Variants in CFAP299 observed in about 807,000 individuals in gnomAD.
The protein encoded by CFAP299 is cilia and flagella associated protein 299.
A neutral mutation model predicts 27.0 loss-of-function variants in CFAP299; 21 were observed. The ratio of observed to expected loss-of-function variants is 0.78; its 90% CI spans 0.55 to 1.12. The LOEUF (loss-of-function observed/expected upper bound fraction) is 1.12, where lower values mean the gene tolerates loss of function less well. Among genes scored for constraint, CFAP299 ranks in the 50% most tolerant of loss-of-function variants. CFAP299 has a pLI of 0.00. For missense variants in CFAP299, 310 were observed against 276.6 expected, an observed-to-expected ratio of 1.12 and a Z score of -0.86; for synonymous variants, 104 against 98.1, an observed-to-expected ratio of 1.06 and a Z score of -0.36.
intron 3 of CFAP299, among the ~76,000 whole-genome samples, chr4:80,612,288 C>T (rs1207577348): frequency 6.6e-6 from 1 of 151,870 alleles, no homozygotes; most frequent in Non-Finnish European, 1.5e-5. Flanking sequence ...AAAAACAGAC[C>T]CTAAAACTCA....
At chr4:80,436,314 T>C (rs1419775975) in intron 2 of CFAP299, among the ~76,000 whole-genome samples, 1 of 151,494 alleles carries the variant, frequency 6.6e-6, no homozygotes, top group Non-Finnish European at 1.5e-5. Flanking sequence ...TTTTTTTTTT[T>C]TTGAGACGGA....
At chr4:80,714,519 T>C (rs978106480) in intron 3 of CFAP299, among the ~76,000 whole-genome samples, 2 of 152,130 alleles carry the variant, frequency 1.3e-5, no homozygotes, top group Non-Finnish European at 2.9e-5. Flanking sequence ...CCATGAACTT[T>C]GGTTAATGTG....
At chr4:80,415,329 T>C (rs1726943290) in intron 2 of CFAP299, among the ~76,000 whole-genome samples, 1 of 152,174 alleles carries the variant, frequency 6.6e-6, no homozygotes, top group East Asian at 1.9e-4. Flanking sequence ...AAGTCTATAT[T>C]GTAAAGGAGG....
intron 3 of CFAP299, among the ~76,000 whole-genome samples, chr4:80,857,532 G>C (rs1180906672): frequency 6.6e-6 from 1 of 152,168 alleles, no homozygotes; most frequent in Non-Finnish European, 1.5e-5. Context: ...GTATGATATT[G>C]GCTGTTGGTT....
At chr4:80,826,127 T>C (rs935964371) in intron 3 of CFAP299, among the ~76,000 whole-genome samples, 1 of 151,906 alleles carries the variant, frequency 6.6e-6, no homozygotes, top group African/African-American at 2.4e-5. Flanking sequence ...TTGCATATCA[T>C]TGAAGTTCAG....
At chr4:80,826,586 A>G (rs1265797842) in intron 3 of CFAP299, among the ~76,000 whole-genome samples, 1 of 151,828 alleles carries the variant, frequency 6.6e-6, no homozygotes, top group Non-Finnish European at 1.5e-5. Flanking sequence ...GACAGGATTG[A>G]AGGCAGATAT....
intron 3 of CFAP299, among the ~76,000 whole-genome samples, chr4:80,698,947 A>G (rs568659364): frequency 6.6e-6 from 1 of 152,284 alleles, no homozygotes; most frequent in South Asian, 2.1e-4. Flanking sequence ...TCAAGATGAG[A>G]TTTGGGTGTG....
chr4:80,748,901 G>A (rs1476588878), intron 3 of CFAP299, among the ~76,000 whole-genome samples: 1 of 152,098 alleles, frequency 6.6e-6, no homozygotes, highest in Non-Finnish European at 1.5e-5. Flanking sequence ...TTGGCAAAAA[G>A]TTTGGAGTTC....
chr4:80,362,149 T>C (rs1258369008), intron 1 of CFAP299, among the ~76,000 whole-genome samples: 1 of 151,642 alleles, frequency 6.6e-6, no homozygotes, highest in Admixed American at 6.6e-5. Context: ...AATTTTTTTG[T>C]GGTGATCTGG....
intron 2 of CFAP299, among the ~76,000 whole-genome samples, chr4:80,370,462 A>G (rs924292671): frequency 6.6e-6 from 1 of 152,190 alleles, no homozygotes; most frequent in Non-Finnish European, 1.5e-5. Context: ...CACAGTCCAA[A>G]GTCATCTGAA....
At chr4:80,900,181 C>G (rs1734818382) in intron 4 of CFAP299, among the ~76,000 whole-genome samples, 1 of 135,340 alleles carries the variant, frequency 7.4e-6, no homozygotes. Context: ...TAGAAGGGAA[C>G]AGTAGTCTAT....
At chr4:80,412,761 C>T (rs923070915) in intron 2 of CFAP299, among the ~76,000 whole-genome samples, 3 of 152,060 alleles carry the variant, frequency 2.0e-5, no homozygotes, top group African/African-American at 7.2e-5. Flanking sequence ...GATGCCTTGA[C>T]ACACACACAC....
chr4:80,342,629 C>A (rs762831128), intron 1 of CFAP299, among the ~76,000 whole-genome samples: 4 of 152,098 alleles, frequency 2.6e-5, no homozygotes, highest in Admixed American at 6.5e-5. Context: ...TGAGGAAATT[C>A]ATCACCACCA....
intron 3 of CFAP299, among the ~76,000 whole-genome samples, chr4:80,666,959 T>C (rs1188725991): frequency 6.6e-6 from 1 of 152,222 alleles, no homozygotes; most frequent in East Asian, 1.9e-4. Context: ...CTACATAGCA[T>C]CCAAACTTGA....
In CFAP299 at chr4:80,346,860, G is replaced by A. The variant is rs191350028; in HGVS notation, c.111+10981G>A. 1.9e-3 allele frequency among the ~76,000 whole-genome samples: 291 copies of A among 152,248 alleles called. 3 individuals carry two copies. Among genetic ancestry groups the A allele is most frequent in the African/African-American group, 6.9e-3 (287 of 41,536 alleles). On this transcript the variant is annotated intron_variant, in intron 1 of 5. Coordinates refer to ENST00000358105, the MANE Select transcript of CFAP299 (RefSeq NM_152770.3). ...TGACATTGAATCTATAAATTACCTTGGGCAGTATGGCCATTTTCACAATAT... is the reference window on the plus strand; with the variant it reads ...TGACATTGAATCTATAAATTACCTTAGGCAGTATGGCCATTTTCACAATAT...
At chr4:80,885,867 C>T (rs935563188) in intron 4 of CFAP299, among the ~76,000 whole-genome samples, 45 of 152,264 alleles carry the variant, frequency 3.0e-4, no homozygotes, top group African/African-American at 1.0e-3. Context: ...GGTACCAGCT[C>T]ATCCACAGTG....
chr4:80,452,146 C>G lies in CFAP299; in HGVS notation c.242+89262C>G, dbSNP rs191732399. ...GCCTGGAGGCAGGGAAGCCTGACCTCTACCTCAGAGTGCTGCCAGGTCATA... is the reference window on the plus strand; with the variant it reads ...GCCTGGAGGCAGGGAAGCCTGACCTGTACCTCAGAGTGCTGCCAGGTCATA... On this transcript the variant is annotated intron_variant, in intron 2 of 5. Coordinates refer to ENST00000358105, the MANE Select transcript of CFAP299 (RefSeq NM_152770.3). 2.1e-3 allele frequency among the ~76,000 whole-genome samples: 324 copies of G among 152,172 alleles called. 1 individual carries two copies. Among genetic ancestry groups the G allele is most frequent in the Non-Finnish European group, 3.7e-3 (255 of 68,004 alleles).
intron 3 of CFAP299, among the ~76,000 whole-genome samples, chr4:80,677,206 G>A (rs1994331): frequency 0.93 from 141,841 of 152,114 alleles, 66,203 homozygotes; most frequent in East Asian, 1. Context: ...TCATTCACCC[G>A]TTGGTCATTG....
chr4:80,625,435 C>G (rs1288381479), intron 3 of CFAP299, among the ~76,000 whole-genome samples: 1 of 151,632 alleles, frequency 6.6e-6, no homozygotes, highest in Non-Finnish European at 1.5e-5. Context: ...AATCACTTAG[C>G]TATAAAAGAA....
Sources: allele counts gnomAD v4.1 joint callset (sites outside exome capture counted in the v4.1 genomes callset), GRCh38; gene constraint gnomAD v4.1.1; transcripts MANE v1.5; gene names NCBI Gene and HGNC (gene_info 2026-07-23, HGNC 2026-07-21).